Variants in NKAIN3 observed in about 807,000 individuals in gnomAD.
The protein encoded by NKAIN3 is sodium/potassium-transporting ATPase subunit beta-1-interacting protein 3.
Under a neutral mutation model 30.2 loss-of-function variants are expected in NKAIN3, and 25 were observed. The ratio of observed to expected loss-of-function variants is 0.83; its 90% CI spans 0.60 to 1.16. The LOEUF (loss-of-function observed/expected upper bound fraction) is 1.16. NKAIN3 is among the 50% of genes most tolerant of loss of function. The pLI, the probability that NKAIN3 is intolerant of heterozygous loss-of-function variation, is 0.00. For missense variants in NKAIN3, 225 were observed against 254.1 expected (o/e 0.89, Z 0.78); for synonymous variants, 91 against 89.6 (o/e 1.02, Z -0.09).
intron 3 of NKAIN3, among the ~76,000 whole-genome samples, chr8:62,607,592 C>T (rs1251714080): frequency 6.6e-6 from 1 of 152,136 alleles, no homozygotes; most frequent in East Asian, 1.9e-4. Context: ...TTCAGTACTT[C>T]ATAAGAAAAT....
At chr8:62,741,930 G>T (rs911432096) in intron 3 of NKAIN3, among the ~76,000 whole-genome samples, 3 of 151,896 alleles carry the variant, frequency 2.0e-5, no homozygotes, top group Non-Finnish European at 4.4e-5. Flanking sequence ...CTCCTACTTG[G>T]TTTTATTTTT....
intron 3 of NKAIN3, among the ~76,000 whole-genome samples, chr8:62,744,239 AC>A (rs1259834169): frequency 5.3e-5 from 8 of 152,200 alleles, no homozygotes; most frequent in African/African-American, 1.9e-4. Context: ...GAGCTCCCAC[AC>A]AAAAAACTTA....
chr8:62,795,361 C>T (rs1817827560), intron 4 of NKAIN3, among the ~76,000 whole-genome samples: 1 of 151,988 alleles, frequency 6.6e-6, no homozygotes, highest in African/African-American at 2.4e-5. Context: ...ACTTTTTTCC[C>T]CACCATGTTC....
intron 6 of NKAIN3, among the ~76,000 whole-genome samples, chr8:62,958,894 G>A (rs1823493360): frequency 6.6e-6 from 1 of 152,194 alleles, no homozygotes; most frequent in Non-Finnish European, 1.5e-5. Flanking sequence ...CTACAGCAAA[G>A]GTAGAGCTAG....
chr8:62,282,049 A>T (rs956116897), intron 1 of NKAIN3, among the ~76,000 whole-genome samples: 3 of 151,340 alleles, frequency 2.0e-5, no homozygotes, highest in African/African-American at 4.9e-5. Context: ...CTCTCTCGAG[A>T]CATCTGTAAC....
chr8:62,316,426 C>G (rs1418833594), intron 1 of NKAIN3, among the ~76,000 whole-genome samples: 1 of 151,894 alleles, frequency 6.6e-6, no homozygotes, highest in Admixed American at 6.6e-5. Flanking sequence ...GCTATCCCCC[C>G]CCTCCTCCCA....
intron 3 of NKAIN3, among the ~76,000 whole-genome samples, chr8:62,630,449 A>T (rs1201190252): frequency 1.3e-5 from 2 of 152,128 alleles, no homozygotes; most frequent in Non-Finnish European, 2.9e-5. Flanking sequence ...TAAAAGTAGC[A>T]CTTCATAATC....
rs991961030 is a variant in NKAIN3 at position 62,974,303 on chromosome 8, A to C, written c.*8896A>C. The stretch of plus-strand genomic sequence containing the variant: ...GATTCTTCCTATCCATGAGCATGGA[A>C]TGTTTTTCCATTTGTTTGTGTCCTC... On this transcript the variant is annotated 3_prime_UTR_variant, in exon 7 of 7. Coordinates refer to ENST00000623646, the MANE Select transcript of NKAIN3 (RefSeq NM_001304533.3). 1.7e-4 allele frequency among the ~76,000 whole-genome samples: 26 copies of C among 152,138 alleles called. No homozygotes were observed. The highest frequency in any genetic ancestry group is 3.8e-4 in the Non-Finnish European group (26 of 68,014).
At chr8:62,599,329 G>A (rs1215950412) in intron 3 of NKAIN3, among the ~76,000 whole-genome samples, 1 of 151,916 alleles carries the variant, frequency 6.6e-6, no homozygotes, top group Admixed American at 6.6e-5. Context: ...GGTGGGGTGG[G>A]GAATGACTGT....
chr8:62,815,447 T>A (rs576994533), intron 4 of NKAIN3, among the ~76,000 whole-genome samples: 1 of 152,276 alleles, frequency 6.6e-6, no homozygotes, highest in African/African-American at 2.4e-5. Context: ...ATATCCTTGA[T>A]GAACATTGAT....
intron 4 of NKAIN3, among the ~76,000 whole-genome samples, chr8:62,838,967 T>A (rs771858917): frequency 6.6e-6 from 1 of 152,098 alleles, no homozygotes; most frequent in African/African-American, 2.4e-5. Flanking sequence ...TGCTCCTGAG[T>A]ACAAGGATTG....
intron 5 of NKAIN3, among the ~76,000 whole-genome samples, chr8:62,951,761 C>T (rs985765042): frequency 6.6e-6 from 1 of 152,024 alleles, no homozygotes; most frequent in Admixed American, 6.6e-5. Flanking sequence ...CTGCACCTGG[C>T]TTAGCATAAG....
At chr8:62,808,340 A>G (rs2130708967) in intron 4 of NKAIN3, among the ~76,000 whole-genome samples, 1 of 152,264 alleles carries the variant, frequency 6.6e-6, no homozygotes, top group East Asian at 1.9e-4. Context: ...TCATTTTATA[A>G]TAGTAGTTCA....
intron 1 of NKAIN3, among the ~76,000 whole-genome samples, chr8:62,262,675 T>C (rs1045220492): frequency 3.3e-5 from 5 of 152,112 alleles, no homozygotes; most frequent in African/African-American, 1.2e-4. Flanking sequence ...AAGAGAGCTG[T>C]GGTTGGAAAT....
At chr8:62,879,274 AT>A (rs1386035510) in intron 4 of NKAIN3, among the ~76,000 whole-genome samples, 1 of 151,922 alleles carries the variant, frequency 6.6e-6, no homozygotes, top group Non-Finnish European at 1.5e-5. Flanking sequence ...GATGATGAGC[AT>A]TTTTTCATGT....
chr8:62,915,888 G>A (rs755439663), intron 4 of NKAIN3, among the ~76,000 whole-genome samples: 13 of 151,996 alleles, frequency 8.6e-5, no homozygotes, highest in Admixed American at 8.5e-4. Context: ...TAATAAATGA[G>A]CAAAAAACCT....
At chr8:62,799,353 A>C (rs1435536382) in intron 4 of NKAIN3, among the ~76,000 whole-genome samples, 1 of 152,230 alleles carries the variant, frequency 6.6e-6, no homozygotes, top group Non-Finnish European at 1.5e-5. Context: ...AGCAAGAAAA[A>C]AACAAACAAT....
chr8:62,528,058 G>A (rs1404896301), intron 1 of NKAIN3, among the ~76,000 whole-genome samples: 2 of 151,238 alleles, frequency 1.3e-5, no homozygotes, highest in Admixed American at 1.3e-4. Context: ...GTTGAAGAAT[G>A]CTAAAGAGAA....
intron 5 of NKAIN3, chr8:62,990,238 T>G: frequency 6.5e-7 from 1 of 1,545,698 alleles, no homozygotes; most frequent in Non-Finnish European, 8.8e-7. Context: ...AAGCAAGAAT[T>G]AGTAAGATAT....
Sources: gnomAD v4.1 joint callset for allele counts (sites outside exome capture counted in the v4.1 genomes callset) on GRCh38, gnomAD v4.1.1 for gene constraint, MANE v1.5 for transcripts, NCBI Gene and HGNC (gene_info 2026-07-23, HGNC 2026-07-21) for gene names.